SHANK1: variants seen among roughly 807,000 people sequenced by gnomAD.
SHANK1 encodes SH3 and multiple ankyrin repeat domains protein 1.
Under a neutral mutation model 165.6 loss-of-function variants are expected in SHANK1, and 35 were observed. That is an observed-to-expected ratio of 0.21 (90% CI 0.16 to 0.28). SHANK1 has a LOEUF of 0.28. Ranked by LOEUF, SHANK1 falls within the 10% of genes least tolerant of loss-of-function variation. The pLI is 1.00. For synonymous variants in SHANK1, 1,428 were observed against 1,384.8 expected (o/e 1.03, Z -0.69); for missense variants, 2,681 against 3,036.4 (o/e 0.88, Z 2.75).
At position 50,661,390 on chromosome 19, in the gene SHANK1, G is replaced by A. The variant is rs907922950; in HGVS notation, c.*575C>T. On this transcript the variant is annotated 3_prime_UTR_variant, in exon 24 of 24. Coordinates refer to ENST00000293441, the MANE Select transcript of SHANK1 (RefSeq NM_016148.5). The stretch of plus-strand genomic sequence containing the variant: ...GCAAAGGCAGAATGTGCAAGACAGC[G>A]AGAGGGCAAATTTGTGCAAAATTGC... 1.3e-5 allele frequency among the ~76,000 whole-genome samples: 2 copies of A among 152,130 alleles called. No homozygotes were observed. The highest frequency in any genetic ancestry group is 2.9e-5 in the Non-Finnish European group (2 of 68,034).
rs1391192576 is a variant in SHANK1, at chr19:50,718,142, A to G, written c.-43-1180T>C. Among the ~76,000 whole-genome samples the G allele has an allele frequency of 6.6e-6, 1 of 152,040 alleles. No homozygotes were observed. Among genetic ancestry groups the G allele is most frequent in the Non-Finnish European group, 1.5e-5 (1 of 67,988 alleles). On this transcript the variant is annotated intron_variant, in intron 1 of 23. Coordinates refer to ENST00000293441, the MANE Select transcript of SHANK1 (RefSeq NM_016148.5). The surrounding 1 kb of genome is among the most constrained non-coding windows in gnomAD (Gnocchi z 5.1). The stretch of plus-strand genomic sequence containing the variant: ...TGGGGATGGGCTGGGGGGTTGGGAA[A>G]GGGAAGACTAAATGTGTGTGGTGGG...
intron 12 of SHANK1, among the ~76,000 whole-genome samples, chr19:50,699,578 T>C (rs1240746082): frequency 1.3e-5 from 2 of 152,062 alleles, no homozygotes; most frequent in Non-Finnish European, 2.9e-5. Context: ...AGGACCAGCA[T>C]GTTTGAAGAG....
chr19:50,672,275 G>A (rs1258055075), intron 21 of SHANK1, among the ~76,000 whole-genome samples, 161 bp from the exon 22 acceptor site: 3 of 152,192 alleles, frequency 2.0e-5, no homozygotes, highest in Non-Finnish European at 4.4e-5. Context: ...GCCGGGCAAC[G>A]TGGCTCACGC....
Position 50,715,819 on chromosome 19 carries a change from C to A in SHANK1, c.460-89G>T, listed in dbSNP as rs896827627. ...GGCTTGGGGTAGGGGAAGGTCTGAT[C>A]CCCTTCTAATTCCCCGGGGTAGCTC... On this transcript the variant is annotated intron_variant, in intron 3 of 23. Transcript: ENST00000293441. 2.4e-6 allele frequency: 3 copies of A among 1,273,814 alleles called. No individual in the cohort carries two copies. The African/African-American group carries it at 4.5e-5, about 19-fold the overall frequency. 78.9% of individuals were successfully genotyped at this position (1,273,814 alleles called of 1,614,324 possible).
chr19:50,696,711 TAC>T (rs1421709929), intron 15 of SHANK1, among the ~76,000 whole-genome samples: 1 of 151,592 alleles, frequency 6.6e-6, no homozygotes, highest in Non-Finnish European at 1.5e-5. Context: ...AATGTGCGAG[TAC>T]ACACGCACAG....
At chr19:50,673,284 G>GCTCCC (rs1985864314) in intron 21 of SHANK1, among the ~76,000 whole-genome samples, 1 of 151,912 alleles carries the variant, frequency 6.6e-6, no homozygotes, top group South Asian at 2.1e-4. Flanking sequence ...CCCACCTCCG[G>GCTCCC]CTCCCGTTCT....
intron 5 of SHANK1, 74 bp downstream of exon 5, chr19:50,714,108 T>G: frequency 6.5e-7 from 1 of 1,535,846 alleles, no homozygotes; most frequent in Non-Finnish European, 9.0e-7. Flanking sequence ...GGAATGGATG[T>G]GAATGCAGAT....
intron 8 of SHANK1, among the ~76,000 whole-genome samples, chr19:50,706,042 C>A (rs2088935180): frequency 6.6e-6 from 1 of 151,920 alleles, no homozygotes; most frequent in Admixed American, 6.6e-5. Flanking sequence ...GCCTGTAGTC[C>A]CAACTACTTG....
chr19:50,694,527 T>TG (rs1409536388), intron 15 of SHANK1, among the ~76,000 whole-genome samples: 1 of 108,352 alleles, frequency 9.2e-6, no homozygotes, highest in Non-Finnish European at 1.8e-5. Flanking sequence ...GAAAGGCGAG[T>TG]GGGCTCCAAA....
rs1234711273 is a variant in SHANK1, at chr19:50,662,511, G to A, written c.5940C>T (p.Thr1980=). 1.9e-6 allele frequency: 3 copies of A among 1,558,688 alleles called. No homozygotes were observed. Among genetic ancestry groups the A allele is most frequent in the East Asian group, 2.4e-5 (1 of 41,786 alleles). Residue 1980 remains threonine, a synonymous_variant, in exon 24 of 24, where the codon ACC becomes ACT. Coordinates refer to ENST00000293441, the MANE Select transcript of SHANK1 (RefSeq NM_016148.5). The surrounding 1 kb of genome is among the most constrained non-coding windows in gnomAD (Gnocchi z 7.7). ...SPSASSSSTS[T]RHLQGVEFEM... ...CGAACTCCACGCCCTGGAGGTGGCGGGTGGACGTGGAGGAGGAGGAGGCTG... is the reference window on the plus strand; with the variant it reads ...CGAACTCCACGCCCTGGAGGTGGCGAGTGGACGTGGAGGAGGAGGAGGCTG...
Position 50,667,318 on chromosome 19 carries a change from G to T in SHANK1, c.4642C>A (p.Pro1548Thr). Residue 1548 changes from proline (P) to threonine (T), a missense_variant, in exon 23 of 24, where the codon CCG becomes ACG. Physicochemically the swap from Pro to Thr is conservative, Grantham distance 38. Transcript: ENST00000293441. The surrounding 1 kb of genome is among the most constrained non-coding windows in gnomAD (Gnocchi z 5.7). ...EENGLPLLVL[P>T]PPAPSVDVED... Reference sequence around the variant, plus strand: ...ACATCCACCGAGGGGGCGGGAGGCGGCAGGACCAGCAGGGGCAGCCCGTTC... The same window carrying T: ...ACATCCACCGAGGGGGCGGGAGGCGTCAGGACCAGCAGGGGCAGCCCGTTC... 1 of 1,584,618 alleles carries T rather than the reference G, an allele frequency of 6.3e-7. No homozygotes were observed.
At chr19:50,689,313 G>T (rs572007749) in intron 15 of SHANK1, 34 bp from the exon 16 acceptor site, 7 of 1,452,852 alleles carry the variant, frequency 4.8e-6, no homozygotes, top group African/African-American at 4.2e-5. Context: ...GGGGGGTGGT[G>T]GGGGGAGTGG....
rs1986943287 is a variant in SHANK1, at chr19:50,702,316, C to T, written c.1747+151G>A. On this transcript the variant is annotated intron_variant, in intron 12 of 23. Transcript: ENST00000293441. This position sits in a 1 kb window ranked among gnomAD's most constrained non-coding sequence, Gnocchi z 5.3. ...ATCTGAGCTACACTCTATGGTCCTC[C>T]AAGCCTCAAGGGGTGTCCTGGGGCT... The T allele has an allele frequency of 3.0e-6, 2 of 665,696 alleles. No homozygotes were observed. Among genetic ancestry groups the T allele is most frequent in the Non-Finnish European group, 5.0e-6 (2 of 398,498 alleles). The allele number at this position is 665,696 out of a possible 1,614,324, so 41.2% of individuals were successfully genotyped here.
chr19:50,677,759 G>A (rs1986027597), intron 21 of SHANK1, among the ~76,000 whole-genome samples: 1 of 152,176 alleles, frequency 6.6e-6, no homozygotes, highest in Admixed American at 6.5e-5. Context: ...AAACAGCACA[G>A]GGCCAGCTCC....
intron 1 of SHANK1, among the ~76,000 whole-genome samples, chr19:50,719,100 G>A (rs2089103465): frequency 6.6e-6 from 1 of 151,234 alleles, no homozygotes; most frequent in Admixed American, 6.6e-5. Context: ...GCGGGGAGGC[G>A]GGTACCAGGA....
rs983599321 is a variant in SHANK1 at position 50,667,986 on chromosome 19, C to T, written c.3974G>A (p.Gly1325Asp). Reference protein sequence around the residue: ...AGSRAYGGGGGSSAFTSFLPP... With the variant: ...AGSRAYGGGGDSSAFTSFLPP... ...CAGGAAGCTGGTGAAGGCGCTGCTG[C>T]CCCCGCCACCCCCGTAGGCTCGGCT... The change falls in exon 23 of 24, where the codon GGC becomes GAC. Residue 1325 changes from glycine (G) to aspartate (D), a missense_variant. By Grantham distance (94) the Gly-to-Asp change is moderately conservative. This residue lies in a region of SHANK1 where 1,713 missense variants were observed against 1,630.2 expected (regional missense o/e 1.05). Transcript: ENST00000293441. The surrounding 1 kb of genome is among the most constrained non-coding windows in gnomAD (Gnocchi z 5.7). The T allele has an allele frequency of 4.3e-5, 63 of 1,452,436 alleles. No individual in the cohort carries two copies. Among genetic ancestry groups the T allele is most frequent in the Non-Finnish European group, 5.4e-5 (60 of 1,107,416 alleles). 90.0% of individuals were successfully genotyped at this position (1,452,436 alleles called of 1,614,324 possible).
In SHANK1 at chr19:50,660,944, G is replaced by A. The variant is rs1265724668; in HGVS notation, c.*1021C>T. Among the ~76,000 whole-genome samples the A allele has an allele frequency of 6.6e-6, 1 of 151,736 alleles. No individual in the cohort carries two copies. The highest frequency in any genetic ancestry group is 6.6e-5 in the Admixed American group (1 of 15,224). On this transcript the variant is annotated 3_prime_UTR_variant, in exon 24 of 24. Coordinates refer to ENST00000293441, the MANE Select transcript of SHANK1 (RefSeq NM_016148.5). The stretch of plus-strand genomic sequence containing the variant: ...AAAAGGGGCAAGAGGGAAGGCGGGG[G>A]GTGGGGGGCTAGGAGTGTCATGGTG...
chr19:50,704,544 AAG>A (rs755146308), intron 8 of SHANK1, 30 bp from the exon 9 acceptor site: 11 of 1,593,116 alleles, frequency 6.9e-6, no homozygotes, highest in East Asian at 2.2e-5. Context: ...GCACAGGACA[AAG>A]AGAGAGAGAA....
At chr19:50,711,907 G>T in intron 7 of SHANK1, 40 bp downstream of exon 7, 1 of 1,612,106 alleles carries the variant, frequency 6.2e-7, no homozygotes, top group Non-Finnish European at 8.5e-7. Flanking sequence ...CAGGGACTGG[G>T]TCCCCCACCC....
Sources: allele counts gnomAD v4.1 joint callset (sites outside exome capture counted in the v4.1 genomes callset), GRCh38; gene constraint gnomAD v4.1.1; regional missense constraint gnomAD v4.1.1; non-coding constraint Gnocchi (gnomAD v3.1); transcripts MANE v1.5; gene names NCBI Gene and HGNC (gene_info 2026-07-23, HGNC 2026-07-21).